The following CDH19 variants were observed in gnomAD, a reference collection of about 807,000 sequenced individuals.
The protein encoded by CDH19 is cadherin 19.
A neutral mutation model predicts 64.2 loss-of-function variants in CDH19; 67 were observed. That is an observed-to-expected ratio of 1.04 (90% CI 0.86 to 1.28). The LOEUF (loss-of-function observed/expected upper bound fraction) is 1.28. Among genes scored for constraint, CDH19 ranks in the 50% most tolerant of loss-of-function variants. The pLI, the probability that CDH19 is intolerant of heterozygous loss-of-function variation, is 0.00. For synonymous variants in CDH19, 346 were observed against 319.3 expected, an observed-to-expected ratio of 1.08 and a Z score of -0.89; for missense variants, 1,030 against 929.0, an observed-to-expected ratio of 1.11 and a Z score of -1.41.
Position 66,531,093 on chromosome 18 carries a change from C to T in CDH19, c.1337-1127G>A, listed in dbSNP as rs528986157. On this transcript the variant is annotated intron_variant, in intron 8 of 11. Coordinates refer to ENST00000262150, the MANE Select transcript of CDH19 (RefSeq NM_021153.4). ...AGTGCTGAAAAATAACAATGTAAAC[C>T]GACTCTAGCAATGGATAATGAAATT... 2.2e-4 allele frequency among the ~76,000 whole-genome samples: 34 copies of T among 152,156 alleles called. 1 individual carries two copies. Among genetic ancestry groups the T allele is most frequent in the Admixed American group, 1.8e-3 (27 of 15,280 alleles).
intron 9 of CDH19, among the ~76,000 whole-genome samples, chr18:66,514,742 G>C (rs1423882392): frequency 2.0e-5 from 3 of 151,194 alleles, no homozygotes; most frequent in African/African-American, 7.3e-5. Context: ...CTTTTTTTAA[G>C]AAAAAGTCAC....
chr18:66,535,188 ACATCTTATT>A, intron 7 of CDH19, 81 bp from the exon 8 acceptor site: 1 of 836,302 alleles, frequency 1.2e-6, no homozygotes, highest in Non-Finnish European at 1.7e-6. Flanking sequence ...AAGCAATAAG[ACATCTTATT>A]CAATGCATGC....
chr18:66,545,666 C>T (rs1402055907), intron 5 of CDH19, among the ~76,000 whole-genome samples: 1 of 151,980 alleles, frequency 6.6e-6, no homozygotes, highest in Non-Finnish European at 1.5e-5. Flanking sequence ...CTCTAACATT[C>T]CTGATACCTG....
At chr18:66,530,859 T>A (rs1986415762) in intron 8 of CDH19, among the ~76,000 whole-genome samples, 1 of 152,104 alleles carries the variant, frequency 6.6e-6, no homozygotes, top group Admixed American at 6.5e-5. Context: ...ATCCCTCCCA[T>A]CCCAGTGTGT....
At chr18:66,516,870 C>T (rs1401506798) in intron 9 of CDH19, among the ~76,000 whole-genome samples, 5 of 151,926 alleles carry the variant, frequency 3.3e-5, no homozygotes, top group Non-Finnish European at 7.4e-5. Flanking sequence ...GAAATTGATA[C>T]ATTAAAGACA....
chr18:66,587,237 G>A (rs1988603590), intron 1 of CDH19, among the ~76,000 whole-genome samples: 1 of 152,144 alleles, frequency 6.6e-6, no homozygotes, highest in Non-Finnish European at 1.5e-5. Context: ...GAAATTGCCT[G>A]TGTTAGGAGT....
At chr18:66,546,567 G>GTCC (rs1987125841) in intron 5 of CDH19, among the ~76,000 whole-genome samples, 1 of 151,950 alleles carries the variant, frequency 6.6e-6, no homozygotes, top group Non-Finnish European at 1.5e-5. Flanking sequence ...TTTTTACAAG[G>GTCC]TCCTGTCCTA....
intron 1 of CDH19, among the ~76,000 whole-genome samples, chr18:66,576,466 AATT>A (rs1459653611): frequency 1.3e-5 from 2 of 151,594 alleles, no homozygotes; most frequent in Non-Finnish European, 3.0e-5. Flanking sequence ...TAAATTTCAT[AATT>A]ATAAGTGATA....
chr18:66,534,242 T>C (rs1002351665), intron 8 of CDH19, among the ~76,000 whole-genome samples: 1 of 152,088 alleles, frequency 6.6e-6, no homozygotes, highest in Admixed American at 6.6e-5. Context: ...CCTCCTTTTA[T>C]GGTTTAGTTA....
intron 9 of CDH19, among the ~76,000 whole-genome samples, chr18:66,529,164 A>G (rs1568180231): frequency 6.6e-6 from 1 of 151,974 alleles, no homozygotes; most frequent in Non-Finnish European, 1.5e-5. Context: ...CAAAATGAGT[A>G]TGTTCTCATA....
intron 8 of CDH19, 108 bp from the exon 9 acceptor site, chr18:66,530,074 T>A (rs915573886): frequency 2.1e-6 from 1 of 469,616 alleles, no homozygotes. Context: ...TTATTTTACT[T>A]GAAAAAAGCA....
chr18:66,535,621 A>G (rs1328855083), intron 7 of CDH19, among the ~76,000 whole-genome samples: 1 of 147,016 alleles, frequency 6.8e-6, no homozygotes. Flanking sequence ...ATATTTATAT[A>G]TATATATATA....
intron 7 of CDH19, among the ~76,000 whole-genome samples, chr18:66,540,929 T>C (rs779863264): frequency 6.6e-6 from 1 of 152,192 alleles, no homozygotes; most frequent in Non-Finnish European, 1.5e-5. Flanking sequence ...AGTAATTTTA[T>C]TACAGATTGT....
At chr18:66,596,760 T>C (rs1292262604) in intron 1 of CDH19, among the ~76,000 whole-genome samples, 2 of 151,930 alleles carry the variant, frequency 1.3e-5, no homozygotes, top group Non-Finnish European at 2.9e-5. Flanking sequence ...TTTATCAAAC[T>C]ACCAAAGACA....
chr18:66,567,884 A>G (rs1218017118), intron 3 of CDH19, among the ~76,000 whole-genome samples: 2 of 151,840 alleles, frequency 1.3e-5, no homozygotes, highest in African/African-American at 4.8e-5. Flanking sequence ...AATGCATTAT[A>G]TTTAAAATAT....
At chr18:66,551,787 ATAAT>A (rs1331359357) in intron 4 of CDH19, among the ~76,000 whole-genome samples, 1 of 152,028 alleles carries the variant, frequency 6.6e-6, no homozygotes, top group African/African-American at 2.4e-5. Flanking sequence ...CAAACTCAAG[ATAAT>A]TAATGATAAA....
intron 1 of CDH19, among the ~76,000 whole-genome samples, chr18:66,590,196 C>T (rs984157425): frequency 1.3e-4 from 20 of 151,740 alleles, no homozygotes; most frequent in African/African-American, 4.8e-4. Context: ...TTTAACAAGC[C>T]TCAAAGATGA....
intron 1 of CDH19, among the ~76,000 whole-genome samples, chr18:66,589,228 A>C (rs1423857167): frequency 1.3e-5 from 2 of 150,528 alleles, no homozygotes; most frequent in Non-Finnish European, 3.0e-5. Context: ...AATTGAATGA[A>C]TATACATATT....
At chr18:66,596,262 T>G (rs979590726) in intron 1 of CDH19, 6 of 152,168 alleles carry the variant, frequency 3.9e-5, no homozygotes, top group Non-Finnish European at 8.8e-5. Flanking sequence ...AAGACAAGGA[T>G]GCTGACTCTC....
Sources: allele counts gnomAD v4.1 joint callset (sites outside exome capture counted in the v4.1 genomes callset), GRCh38; gene constraint gnomAD v4.1.1; transcripts MANE v1.5; gene names NCBI Gene and HGNC (gene_info 2026-07-23, HGNC 2026-07-21).